The following FGF10 variants were observed in gnomAD, a reference collection of about 807,000 sequenced individuals.
FGF10 encodes FGF-10.
FGF10 carries 2 observed loss-of-function variants against 19.8 expected under a neutral mutation model. The ratio of observed to expected loss-of-function variants is 0.10; its 90% CI spans 0.04 to 0.32. The LOEUF (loss-of-function observed/expected upper bound fraction) is 0.32, where lower values mean the gene tolerates loss of function less well. Ranked by LOEUF, FGF10 falls within the 10% of genes least tolerant of loss-of-function variation. FGF10 has a pLI of 1.00. For missense variants in FGF10, 191 were observed against 246.3 expected (o/e 0.78, Z 1.50); for synonymous variants, 112 against 94.0 (o/e 1.19, Z -1.10).
intron 1 of FGF10, among the ~76,000 whole-genome samples, chr5:44,314,779 C>A (rs1412574106): frequency 6.6e-6 from 1 of 152,088 alleles, no homozygotes; most frequent in African/African-American, 2.4e-5. Flanking sequence ...GTCCCCCTAG[C>A]AATCATGTTG....
At chr5:44,348,000 T>A (rs1413595292) in intron 1 of FGF10, among the ~76,000 whole-genome samples, 1 of 151,724 alleles carries the variant, frequency 6.6e-6, no homozygotes, top group Admixed American at 6.6e-5. Flanking sequence ...CTCTGGAATA[T>A]GTCTTTTCCT....
intron 1 of FGF10, among the ~76,000 whole-genome samples, chr5:44,313,700 T>C (rs1022592082): frequency 2.0e-5 from 3 of 151,976 alleles, no homozygotes; most frequent in African/African-American, 7.2e-5. Flanking sequence ...TTTATAGGCA[T>C]ATTCTTGTAG....
intron 1 of FGF10, among the ~76,000 whole-genome samples, chr5:44,337,023 G>A (rs1331688793): frequency 6.6e-6 from 1 of 151,984 alleles, no homozygotes; most frequent in Non-Finnish European, 1.5e-5. Context: ...TGAGAAAGAG[G>A]CTATCTTAAA....
chr5:44,386,924 A>G (rs966051288), intron 1 of FGF10, among the ~76,000 whole-genome samples: 5 of 152,210 alleles, frequency 3.3e-5, no homozygotes, highest in Non-Finnish European at 7.3e-5. Flanking sequence ...TGTCATTCCC[A>G]TTAGTACCTG....
intron 1 of FGF10, among the ~76,000 whole-genome samples, chr5:44,379,473 C>T (rs181981889): frequency 2.5e-3 from 379 of 152,326 alleles, no homozygotes; most frequent in African/African-American, 7.5e-3. Context: ...TCTTACCTCG[C>T]AGTTTGCCTA....
chr5:44,326,247 G>A (rs1234723519), intron 1 of FGF10, among the ~76,000 whole-genome samples: 1 of 152,100 alleles, frequency 6.6e-6, no homozygotes, highest in Non-Finnish European at 1.5e-5. Flanking sequence ...CAAGAACTAG[G>A]TATCTTTTAG....
intron 1 of FGF10, among the ~76,000 whole-genome samples, chr5:44,382,371 A>C (rs1742004134): frequency 6.6e-6 from 1 of 152,164 alleles, no homozygotes; most frequent in African/African-American, 2.4e-5. Context: ...ATTTGTGTAA[A>C]ATCTATACAA....
At chr5:44,327,802 C>T (rs1740647158) in intron 1 of FGF10, among the ~76,000 whole-genome samples, 3 of 152,170 alleles carry the variant, frequency 2.0e-5, no homozygotes, top group Admixed American at 2.0e-4. Context: ...AAGCACACAA[C>T]CATTTCACAC....
At chr5:44,328,463 TAA>T (rs1365404159) in intron 1 of FGF10, among the ~76,000 whole-genome samples, 1 of 152,140 alleles carries the variant, frequency 6.6e-6, no homozygotes, top group Non-Finnish European at 1.5e-5. Flanking sequence ...AAAATACTTT[TAA>T]AAAGTCTAAT....
At chr5:44,317,689 C>A (rs1186326917) in intron 1 of FGF10, among the ~76,000 whole-genome samples, 1 of 152,096 alleles carries the variant, frequency 6.6e-6, no homozygotes, top group Non-Finnish European at 1.5e-5. Flanking sequence ...TTCTTCACAA[C>A]ACTGTGCTAG....
chr5:44,306,891 G>C (rs925733407), intron 2 of FGF10, among the ~76,000 whole-genome samples: 2 of 152,126 alleles, frequency 1.3e-5, no homozygotes, highest in Non-Finnish European at 2.9e-5. Context: ...TATTTGAAAG[G>C]AATATAAATC....
chr5:44,323,383 A>C (rs1740541498), intron 1 of FGF10, among the ~76,000 whole-genome samples: 1 of 152,198 alleles, frequency 6.6e-6, no homozygotes, highest in African/African-American at 2.4e-5. Flanking sequence ...ATTTTAAGAA[A>C]GTAATTAAAC....
At chr5:44,358,297 T>C (rs776472903) in intron 1 of FGF10, among the ~76,000 whole-genome samples, 1 of 151,442 alleles carries the variant, frequency 6.6e-6, no homozygotes, top group Admixed American at 6.6e-5. Flanking sequence ...TGGGTAAACA[T>C]TGGCATGCTT....
intron 1 of FGF10, among the ~76,000 whole-genome samples, chr5:44,322,406 G>C (rs1160491323): frequency 6.6e-6 from 1 of 152,148 alleles, no homozygotes; most frequent in Non-Finnish European, 1.5e-5. Flanking sequence ...GGCTGAGCCA[G>C]GGCCTTCTTT....
intron 1 of FGF10, among the ~76,000 whole-genome samples, chr5:44,385,519 C>A (rs1259531246): frequency 6.6e-6 from 1 of 152,054 alleles, no homozygotes; most frequent in Non-Finnish European, 1.5e-5. Context: ...ATTTTAGCAG[C>A]AATAATACTA....
At chr5:44,323,415 A>G (rs1290484948) in intron 1 of FGF10, among the ~76,000 whole-genome samples, 1 of 152,196 alleles carries the variant, frequency 6.6e-6, no homozygotes, top group Non-Finnish European at 1.5e-5. Flanking sequence ...CTCAGCATGA[A>G]AATCTGACAT....
chr5:44,314,211 G>A (rs566380997), intron 1 of FGF10, among the ~76,000 whole-genome samples: 1 of 152,198 alleles, frequency 6.6e-6, no homozygotes, highest in South Asian at 2.1e-4. Context: ...TTACCAACTG[G>A]AGTACAAGGA....
At chr5:44,340,905 A>G (rs1329561134) in intron 1 of FGF10, among the ~76,000 whole-genome samples, 1 of 151,772 alleles carries the variant, frequency 6.6e-6, no homozygotes, top group Non-Finnish European at 1.5e-5. Context: ...AGACAAAACA[A>G]AAGAAAGAAA....
rs2111660478 is a variant in FGF10, at chr5:44,303,601, A to G, written c.*1394T>C. The G allele has an allele frequency of 6.6e-6, 1 of 152,188 alleles. No homozygotes were observed. The highest frequency in any genetic ancestry group is 2.4e-5 in the African/African-American group (1 of 41,516). 9.4% of individuals were successfully genotyped at this position (152,188 alleles called of 1,614,324 possible). On this transcript the variant is annotated 3_prime_UTR_variant, in exon 3 of 3. Transcript: ENST00000264664. Reference sequence around the variant, plus strand: ...GATGATGATTGGTAAACTCTTATGTACTCTTTTCTATACCTGCTCTAACAA... The same window carrying G: ...GATGATGATTGGTAAACTCTTATGTGCTCTTTTCTATACCTGCTCTAACAA...
Sources: gnomAD v4.1 joint callset for allele counts (sites outside exome capture counted in the v4.1 genomes callset) on GRCh38, gnomAD v4.1.1 for gene constraint, MANE v1.5 for transcripts, NCBI Gene and HGNC (gene_info 2026-07-23, HGNC 2026-07-21) for gene names.